Variants in WNT9A observed in about 807,000 individuals in gnomAD.
WNT9A encodes the protein protein Wnt-9a.
Under a neutral mutation model 31.4 loss-of-function variants are expected in WNT9A, and 8 were observed. That is an observed-to-expected ratio of 0.26 (90% CI 0.15 to 0.46). WNT9A has a LOEUF of 0.46. Ranked by LOEUF, WNT9A falls within the 20% of genes least tolerant of loss-of-function variation. WNT9A has a pLI of 0.99. For synonymous variants in WNT9A, 236 were observed against 220.1 expected (o/e 1.07, Z -0.64); for missense variants, 457 against 522.9 (o/e 0.87, Z 1.23).
intron 1 of WNT9A, among the ~76,000 whole-genome samples, chr1:227,937,352 A>G (rs1666612981): frequency 6.6e-6 from 1 of 152,218 alleles, no homozygotes; most frequent in South Asian, 2.1e-4. Flanking sequence ...TGCTCACTGT[A>G]CTGAGGAAAC....
chr1:227,937,917 A>T (rs1666623207), intron 1 of WNT9A, among the ~76,000 whole-genome samples: 1 of 152,162 alleles, frequency 6.6e-6, no homozygotes, highest in Non-Finnish European at 1.5e-5. Context: ...GAGCCAGGCC[A>T]CCCAAAACCC....
intron 1 of WNT9A, among the ~76,000 whole-genome samples, chr1:227,932,001 G>A (rs1666520685): frequency 1.3e-5 from 2 of 152,098 alleles, no homozygotes; most frequent in Admixed American, 6.5e-5. Flanking sequence ...GATTACAGGC[G>A]TGAGCCATCA....
chr1:227,923,766 C>A (rs1414910438), intron 3 of WNT9A, among the ~76,000 whole-genome samples: 2 of 152,132 alleles, frequency 1.3e-5, no homozygotes, highest in African/African-American at 2.4e-5. Flanking sequence ...GACAAGCCTG[C>A]CAGCTGGCTG....
Position 227,925,909 on chromosome 1 carries a change from T to A in WNT9A, c.96-390A>T, listed in dbSNP as rs989966145. On this transcript the variant is annotated intron_variant, in intron 1 of 3. Coordinates refer to ENST00000272164, the MANE Select transcript of WNT9A (RefSeq NM_003395.4). The surrounding 1 kb of genome is among the most constrained non-coding windows in gnomAD (Gnocchi z 6.0). Reference sequence around the variant, plus strand: ...GCTCCGGAGCCTGAATCCCAAACTATGCCTGATGGGCGTCTGCCACATCCT... The same window carrying A: ...GCTCCGGAGCCTGAATCCCAAACTAAGCCTGATGGGCGTCTGCCACATCCT... Among the ~76,000 whole-genome samples, 1 of 152,052 alleles carries A rather than the reference T, an allele frequency of 6.6e-6. No individual in the cohort carries two copies. The highest frequency in any genetic ancestry group is 1.5e-5 in the Non-Finnish European group (1 of 67,972).
rs887216492 is a variant in WNT9A at position 227,926,676 on chromosome 1, C to A, written c.96-1157G>T. Among the ~76,000 whole-genome samples, 1 of 151,840 alleles carries A rather than the reference C, an allele frequency of 6.6e-6. No individual in the cohort carries two copies. Among genetic ancestry groups the A allele is most frequent in the African/African-American group, 2.4e-5 (1 of 41,362 alleles). The stretch of plus-strand genomic sequence containing the variant: ...CCTGGACAGGGCCAGGGCTTGGAGG[C>A]CCCTCCTGAAAGCATCACTGGACAC... On this transcript the variant is annotated intron_variant, in intron 1 of 3. Transcript: ENST00000272164. The surrounding 1 kb of genome is among the most constrained non-coding windows in gnomAD (Gnocchi z 5.0).
At position 227,928,770 on chromosome 1, in the gene WNT9A, TGAA is replaced by T. The variant is rs1666461283; in HGVS notation, c.96-3254_96-3252del. ...CCACACGACAGAGCCACAGAAGGGC[TGAA>T]GAAGGGAGGAGTGGTTCCCAACACA... On this transcript the variant is annotated intron_variant, in intron 1 of 3. Transcript: ENST00000272164. This position sits in a 1 kb window ranked among gnomAD's most constrained non-coding sequence, Gnocchi z 4.5. Among the ~76,000 whole-genome samples, 1 of 152,138 alleles carries T rather than the reference TGAA, an allele frequency of 6.6e-6. No individual in the cohort carries two copies. The highest frequency in any genetic ancestry group is 2.1e-4 in the South Asian group (1 of 4,822).
intron 1 of WNT9A, among the ~76,000 whole-genome samples, chr1:227,941,963 C>T (rs1666715551): frequency 6.6e-6 from 1 of 152,120 alleles, no homozygotes; most frequent in Admixed American, 6.5e-5. Context: ...TCACCTCCTC[C>T]CTGCCCCAGG....
chr1:227,931,986 G>A (rs1446532871), intron 1 of WNT9A, among the ~76,000 whole-genome samples: 1 of 151,898 alleles, frequency 6.6e-6, no homozygotes, highest in African/African-American at 2.4e-5. Flanking sequence ...CTCCCAAAGT[G>A]CTGGGATTAC....
chr1:227,943,527 G>A (rs1666747443), intron 1 of WNT9A, among the ~76,000 whole-genome samples: 1 of 152,214 alleles, frequency 6.6e-6, no homozygotes, highest in Admixed American at 6.5e-5. Flanking sequence ...TGCAGTCAGA[G>A]CCCCACAAGG....
chr1:227,924,085 C>CCCCCCCCCCCCTTT, intron 3 of WNT9A, 53 bp downstream of exon 3: 2 of 1,063,498 alleles, frequency 1.9e-6, no homozygotes, highest in South Asian at 1.7e-5. Context: ...CCCCAACCCC[C>CCCCCCCCCCCCTTT]TGACGCTCTT....
At chr1:227,939,162 C>T (rs147071329) in intron 1 of WNT9A, among the ~76,000 whole-genome samples, 426 of 152,362 alleles carry the variant, frequency 2.8e-3, no homozygotes, top group Middle Eastern at 0.01. Flanking sequence ...GGCTGCCATG[C>T]CACAGGGCAC....
At chr1:227,931,567 G>A (rs1666510719) in intron 1 of WNT9A, among the ~76,000 whole-genome samples, 1 of 152,176 alleles carries the variant, frequency 6.6e-6, no homozygotes, top group Non-Finnish European at 1.5e-5. Context: ...CCTTGAAGAT[G>A]TTGTAGCTTT....
chr1:227,921,781 C>T lies in WNT9A; in HGVS notation c.835G>A (p.Gly279Ser). 1 of 1,612,372 alleles carries T rather than the reference C, an allele frequency of 6.2e-7. No individual in the cohort carries two copies. The highest frequency in any genetic ancestry group is 8.5e-7 in the Non-Finnish European group (1 of 1,179,644). The change falls in exon 4 of 4, where the codon GGC (glycine) becomes AGC (serine). Residue 279 changes from glycine to serine, a missense_variant. Coordinates refer to ENST00000272164, the MANE Select transcript of WNT9A (RefSeq NM_003395.4). ...GGAGTGCGGGGCAGCGGGTCGCTGC[C>T]ACCTGCCCCCGAGGCACGGCCCCGT... is the stretch of plus-strand genomic sequence containing the variant. The part of the protein sequence containing the change: ...PPRGRASGAG[G>S]SDPLPRTPEL...
Position 227,921,766 on chromosome 1 carries a change from G to C in WNT9A, c.850C>G (p.Pro284Ala). The C allele has an allele frequency of 1.2e-6, 2 of 1,612,332 alleles. No individual in the cohort carries two copies. The highest frequency in any genetic ancestry group is 1.7e-6 in the Non-Finnish European group (2 of 1,179,674). ...AGGTGCACCAGCTCTGGAGTGCGGG[G>C]CAGCGGGTCGCTGCCACCTGCCCCC... ...ASGAGGSDPL[P>A]RTPELVHLDD... is the part of the protein sequence containing the mutation. The change falls in exon 4 of 4, where the codon CCC (proline) becomes GCC (alanine). Residue 284 changes from proline (P) to alanine (A), a missense_variant. By Grantham distance (27) the Pro-to-Ala change is conservative. Transcript: ENST00000272164.
In WNT9A at chr1:227,920,846, G is replaced by A. The variant is rs1666299525; in HGVS notation, c.*672C>T. ...GCTCTCGGGTCAGAGGGAGGAAGCT[G>A]AGGCCCAGGGCACAAGCAGAGAGGT... On this transcript the variant is annotated 3_prime_UTR_variant, in exon 4 of 4. Transcript: ENST00000272164. 6.6e-6 allele frequency: 1 copy of A among 152,372 alleles called. No individual in the cohort carries two copies. The highest frequency in any genetic ancestry group is 1.5e-5 in the Non-Finnish European group (1 of 68,212). 9.4% of individuals were successfully genotyped at this position (152,372 alleles called of 1,614,324 possible). A position where few individuals can be genotyped will look rare whatever the true frequency, so the allele number is the denominator to read the frequency against.
In WNT9A at chr1:227,925,579, G is replaced by A; in HGVS notation, c.96-60C>T. The stretch of plus-strand genomic sequence containing the variant: ...AGGAAGCCCTGCTGGAGCCTGGCCA[G>A]GTGTCTCGGTGGCCAGGGTACAGGG... On this transcript the variant is annotated intron_variant, in intron 1 of 3. Transcript: ENST00000272164. The surrounding 1 kb of genome is among the most constrained non-coding windows in gnomAD (Gnocchi z 6.0). 6.9e-7 allele frequency: 1 copy of A among 1,447,672 alleles called. No individual in the cohort carries two copies. Among genetic ancestry groups the A allele is most frequent in the Non-Finnish European group, 9.1e-7 (1 of 1,103,872 alleles). The allele number at this position is 1,447,672 out of a possible 1,614,324, so 89.7% of individuals were successfully genotyped here. A position where few individuals can be genotyped will look rare whatever the true frequency, so the allele number is the denominator to read the frequency against.
Position 227,926,688 on chromosome 1 carries a change from G to A in WNT9A, c.96-1169C>T, listed in dbSNP as rs1261517661. ...CAGGGCTTGGAGGCCCCTCCTGAAA[G>A]CATCACTGGACACATGACGACCAAC... On this transcript the variant is annotated intron_variant, in intron 1 of 3. Coordinates refer to ENST00000272164, the MANE Select transcript of WNT9A (RefSeq NM_003395.4). The surrounding 1 kb of genome is among the most constrained non-coding windows in gnomAD (Gnocchi z 5.0). Among the ~76,000 whole-genome samples the A allele has an allele frequency of 6.6e-6, 1 of 151,864 alleles. No homozygotes were observed. The highest frequency in any genetic ancestry group is 2.4e-5 in the African/African-American group (1 of 41,364).
In WNT9A at chr1:227,928,158, A is replaced by G. The variant is rs903294822; in HGVS notation, c.96-2639T>C. Among the ~76,000 whole-genome samples the G allele has an allele frequency of 2.0e-5, 3 of 152,210 alleles. No individual in the cohort carries two copies. The highest frequency in any genetic ancestry group is 7.2e-5 in the African/African-American group (3 of 41,530). Reference sequence around the variant, plus strand: ...GAGCTGGTTTGACGGTGACTAGCTGAGTCCTCCAGCCTTCCCTAGGGCACC... The same window carrying G: ...GAGCTGGTTTGACGGTGACTAGCTGGGTCCTCCAGCCTTCCCTAGGGCACC... On this transcript the variant is annotated intron_variant, in intron 1 of 3. Transcript: ENST00000272164. The surrounding 1 kb of genome is among the most constrained non-coding windows in gnomAD (Gnocchi z 4.5).
intron 1 of WNT9A, among the ~76,000 whole-genome samples, chr1:227,944,435 G>T (rs1350751920): frequency 6.6e-6 from 1 of 152,218 alleles, no homozygotes; most frequent in African/African-American, 2.4e-5. Flanking sequence ...GAATTAAACA[G>T]TGGTGAGAGC....
Sources: gnomAD v4.1 joint callset for allele counts (sites outside exome capture counted in the v4.1 genomes callset) on GRCh38, gnomAD v4.1.1 for gene constraint, Gnocchi (gnomAD v3.1) non-coding constraint, MANE v1.5 for transcripts, NCBI Gene and HGNC (gene_info 2026-07-23, HGNC 2026-07-21) for gene names.